The following TOX variants were observed in gnomAD, a reference collection of about 807,000 sequenced individuals.
The protein encoded by TOX is thymocyte selection associated high mobility group box.
In TOX, 11 loss-of-function variants were observed where a neutral mutation model predicts 53.7. The ratio of observed to expected loss-of-function variants is 0.20; its 90% CI spans 0.13 to 0.34. TOX has a LOEUF of 0.34. Ranked by LOEUF, TOX falls within the 10% of genes least tolerant of loss-of-function variation. TOX has a pLI of 1.00. For synonymous variants in TOX, 225 were observed against 245.3 expected, an observed-to-expected ratio of 0.92 and a Z score of 0.77; for missense variants, 570 against 664.6, an observed-to-expected ratio of 0.86 and a Z score of 1.56.
At chr8:58,925,831 G>A (rs1044759685) in intron 3 of TOX, among the ~76,000 whole-genome samples, 26 of 152,022 alleles carry the variant, frequency 1.7e-4, no homozygotes, top group African/African-American at 6.0e-4. Flanking sequence ...GCCCTTTGTC[G>A]TACCATTTTT....
chr8:58,874,240 A>C (rs1811248279), intron 3 of TOX, among the ~76,000 whole-genome samples: 1 of 151,910 alleles, frequency 6.6e-6, no homozygotes, highest in East Asian at 1.9e-4. Context: ...TTTTAAAAAA[A>C]ACTTTTGGTA....
intron 6 of TOX, among the ~76,000 whole-genome samples, chr8:58,817,147 C>T (rs570163960): frequency 1.3e-5 from 2 of 152,198 alleles, no homozygotes; most frequent in South Asian, 4.2e-4. Context: ...GAATACTCCA[C>T]GCACAGTATA....
At chr8:58,984,778 G>C (rs1399276048) in intron 1 of TOX, among the ~76,000 whole-genome samples, 2 of 61,564 alleles carry the variant, frequency 3.2e-5, no homozygotes, top group East Asian at 1.1e-3. Context: ...GCAAGACTCC[G>C]TCTCAAAAAA....
At chr8:59,086,956 C>T (rs1007372878) in intron 1 of TOX, among the ~76,000 whole-genome samples, 3 of 152,080 alleles carry the variant, frequency 2.0e-5, no homozygotes, top group African/African-American at 7.2e-5. Flanking sequence ...GTAAAAGGTT[C>T]AGTGCCCTTA....
intron 1 of TOX, among the ~76,000 whole-genome samples, chr8:59,019,234 A>T (rs1333359557): frequency 6.6e-6 from 1 of 152,210 alleles, no homozygotes; most frequent in Non-Finnish European, 1.5e-5. Flanking sequence ...AATTTAGATA[A>T]TTGATAGACT....
At chr8:59,107,177 G>C (rs1804929014) in intron 1 of TOX, among the ~76,000 whole-genome samples, 1 of 151,950 alleles carries the variant, frequency 6.6e-6, no homozygotes, top group Non-Finnish European at 1.5e-5. Flanking sequence ...CAGTGGGTAA[G>C]TGACTTTTTT....
At chr8:58,981,028 T>G (rs931682712) in intron 1 of TOX, among the ~76,000 whole-genome samples, 11 of 152,224 alleles carry the variant, frequency 7.2e-5, no homozygotes, top group African/African-American at 2.7e-4. Context: ...CTTTCCTGAT[T>G]TTTATATTTC....
At chr8:59,009,813 T>G (rs1813866861) in intron 1 of TOX, among the ~76,000 whole-genome samples, 1 of 152,206 alleles carries the variant, frequency 6.6e-6, no homozygotes, top group South Asian at 2.1e-4. Flanking sequence ...AGTTAGCAAC[T>G]CCTAGTTTTG....
chr8:58,875,536 A>G (rs1811268857), intron 3 of TOX, among the ~76,000 whole-genome samples: 1 of 152,188 alleles, frequency 6.6e-6, no homozygotes, highest in South Asian at 2.1e-4. Context: ...ACTCCCTCTT[A>G]GAATAGAAAA....
At chr8:58,811,615 A>AT (rs570798489) in intron 7 of TOX, among the ~76,000 whole-genome samples, 6 of 152,180 alleles carry the variant, frequency 3.9e-5, no homozygotes, top group African/African-American at 7.2e-5. Flanking sequence ...TCTCAATGTG[A>AT]TTTTTTTTAA....
chr8:58,967,989 A>G (rs1812933879), intron 1 of TOX, among the ~76,000 whole-genome samples: 1 of 152,350 alleles, frequency 6.6e-6, no homozygotes, highest in South Asian at 2.1e-4. Flanking sequence ...AGAGTCATCG[A>G]TTCTATTTTA....
intron 3 of TOX, among the ~76,000 whole-genome samples, chr8:58,872,822 G>T (rs547732662): frequency 1.8e-4 from 27 of 152,210 alleles, no homozygotes; most frequent in African/African-American, 6.0e-4. Context: ...ACAGAAAAGG[G>T]ATATCAGGGA....
At chr8:59,082,110 G>T (rs1804419900) in intron 1 of TOX, among the ~76,000 whole-genome samples, 1 of 152,116 alleles carries the variant, frequency 6.6e-6, no homozygotes, top group South Asian at 2.1e-4. Context: ...TGCCATTTGG[G>T]TAGATCCATA....
At chr8:58,898,901 C>A (rs1475561331) in intron 3 of TOX, among the ~76,000 whole-genome samples, 1 of 152,156 alleles carries the variant, frequency 6.6e-6, no homozygotes, top group Non-Finnish European at 1.5e-5. Flanking sequence ...GGTGTTTGTA[C>A]AAATGTAATC....
Position 59,103,222 on chromosome 8 carries a change from A to G in TOX, c.102+15664T>C, listed in dbSNP as rs559460081. Among the ~76,000 whole-genome samples, 91 of 152,340 alleles carry G rather than the reference A, an allele frequency of 6.0e-4. No individual in the cohort carries two copies. In the Middle Eastern group the frequency reaches 0.01, roughly 17 times the overall value. On this transcript the variant is annotated intron_variant, in intron 1 of 8. Coordinates refer to ENST00000361421, the MANE Select transcript of TOX (RefSeq NM_014729.3). ...ATAAAATACTTTGTCAAGCTTTCTTATCAAAAGTAGAGAATTAGTGAAAGT... is the reference window on the plus strand; with the variant it reads ...ATAAAATACTTTGTCAAGCTTTCTTGTCAAAAGTAGAGAATTAGTGAAAGT...
chr8:58,867,639 T>C (rs1811126579), intron 3 of TOX, among the ~76,000 whole-genome samples: 1 of 152,188 alleles, frequency 6.6e-6, no homozygotes, highest in Non-Finnish European at 1.5e-5. Context: ...CCTCTTAAAG[T>C]GTAATTGTGA....
At chr8:58,900,563 T>C (rs1811719582) in intron 3 of TOX, among the ~76,000 whole-genome samples, 1 of 152,186 alleles carries the variant, frequency 6.6e-6, no homozygotes, top group Non-Finnish European at 1.5e-5. Flanking sequence ...ACACAGAAGA[T>C]TTGATTTACT....
At chr8:58,957,114 C>T (rs1317698764) in intron 2 of TOX, among the ~76,000 whole-genome samples, 1 of 152,202 alleles carries the variant, frequency 6.6e-6, no homozygotes, top group South Asian at 2.1e-4. Context: ...CACTTTCTCC[C>T]ACAAACTCTT....
intron 3 of TOX, among the ~76,000 whole-genome samples, chr8:58,884,758 A>G (rs1811439059): frequency 6.6e-6 from 1 of 152,180 alleles, no homozygotes; most frequent in African/African-American, 2.4e-5. Context: ...TGGTTATTCC[A>G]TAAAGATTCA....
Sources: gnomAD v4.1 joint callset for allele counts (sites outside exome capture counted in the v4.1 genomes callset) on GRCh38, gnomAD v4.1.1 for gene constraint, MANE v1.5 for transcripts, NCBI Gene and HGNC (gene_info 2026-07-23, HGNC 2026-07-21) for gene names.